The following DENND5B variants were observed in gnomAD, a reference collection of about 807,000 sequenced individuals.
The protein encoded by DENND5B is DENN domain containing 5B.
DENND5B carries 34 observed loss-of-function variants against 140.6 expected under a neutral mutation model. The observed-to-expected ratio is 0.24, with a 90% confidence interval of 0.18 to 0.32. The LOEUF is 0.32. Among genes scored for constraint, DENND5B ranks in the 10% least tolerant of loss-of-function variants. The pLI, the probability that DENND5B is intolerant of heterozygous loss-of-function variation, is 1.00. For missense variants in DENND5B, 1,142 were observed against 1,560.2 expected, an observed-to-expected ratio of 0.73 and a Z score of 4.52; for synonymous variants, 551 against 562.1, an observed-to-expected ratio of 0.98 and a Z score of 0.28.
In DENND5B at chr12:31,384,734, A is replaced by T. The variant is rs1802648157; in HGVS notation, c.*2869T>A. 6.6e-6 allele frequency: 1 copy of T among 151,526 alleles called. No homozygotes were observed. Among genetic ancestry groups the T allele is most frequent in the Non-Finnish European group, 1.5e-5 (1 of 67,936 alleles). 9.4% of individuals were successfully genotyped at this position (151,526 alleles called of 1,614,324 possible). ...ACTTTTTAAAGTAATGGTTTTATTCATAGGCCGCAAATCCAACTTTGGCTG... is the reference window on the plus strand; with the variant it reads ...ACTTTTTAAAGTAATGGTTTTATTCTTAGGCCGCAAATCCAACTTTGGCTG... On this transcript the variant is annotated 3_prime_UTR_variant, in exon 21 of 21. Coordinates refer to ENST00000389082, the MANE Select transcript of DENND5B (RefSeq NM_144973.4).
intron 1 of DENND5B, among the ~76,000 whole-genome samples, chr12:31,514,948 T>G (rs967140168): frequency 1.3e-5 from 2 of 152,188 alleles, no homozygotes; most frequent in Admixed American, 1.3e-4. Flanking sequence ...CAAGACCTTT[T>G]TCTCTACAAA....
intron 12 of DENND5B, 65 bp downstream of exon 12, chr12:31,415,302 G>C (rs984714317): frequency 6.1e-6 from 8 of 1,307,540 alleles, no homozygotes; most frequent in Non-Finnish European, 8.4e-6. Context: ...GAGCAATTTA[G>C]TTAAAAGCCA....
chr12:31,422,282 T>C (rs917561529), intron 11 of DENND5B, among the ~76,000 whole-genome samples: 2 of 135,766 alleles, frequency 1.5e-5, no homozygotes, highest in South Asian at 2.4e-4. Context: ...AAAAAAAAAA[T>C]AGCTGGGCGT....
chr12:31,585,260 T>A (rs1026669569), intron 1 of DENND5B, among the ~76,000 whole-genome samples: 1 of 152,172 alleles, frequency 6.6e-6, no homozygotes, highest in Non-Finnish European at 1.5e-5. Context: ...TGAAGGCTGA[T>A]CCCTGTACTA....
At chr12:31,537,841 A>G (rs763645853) in intron 1 of DENND5B, among the ~76,000 whole-genome samples, 5 of 152,228 alleles carry the variant, frequency 3.3e-5, no homozygotes, top group Admixed American at 6.5e-5. Flanking sequence ...AGCTATACGT[A>G]TATCAGACGA....
intron 11 of DENND5B, among the ~76,000 whole-genome samples, chr12:31,419,247 A>G (rs1942907070): frequency 6.6e-6 from 1 of 152,224 alleles, no homozygotes; most frequent in Non-Finnish European, 1.5e-5. Context: ...AGATTCATGG[A>G]TTTAATTCTT....
intron 3 of DENND5B, among the ~76,000 whole-genome samples, chr12:31,466,731 T>C (rs1945285354): frequency 1.3e-5 from 2 of 151,928 alleles, no homozygotes; most frequent in Admixed American, 1.3e-4. Flanking sequence ...AAAGTTTCAC[T>C]AGAATTTCAG....
At chr12:31,515,681 A>T (rs1035321535) in intron 1 of DENND5B, among the ~76,000 whole-genome samples, 6 of 152,238 alleles carry the variant, frequency 3.9e-5, no homozygotes, top group African/African-American at 1.4e-4. Flanking sequence ...ATATACAATT[A>T]ATCAGTAGAA....
intron 13 of DENND5B, among the ~76,000 whole-genome samples, chr12:31,409,832 C>T (rs1169616408): frequency 2.0e-5 from 3 of 151,508 alleles, no homozygotes; most frequent in African/African-American, 7.3e-5. Flanking sequence ...GATGGGGTCT[C>T]GCTATATTGC....
chr12:31,494,197 C>CT (rs1946666931), intron 2 of DENND5B, among the ~76,000 whole-genome samples: 2 of 84,294 alleles, frequency 2.4e-5, no homozygotes, highest in African/African-American at 4.2e-5. Context: ...TCCATCCATC[C>CT]ATCCACCTAC....
At chr12:31,436,999 A>G (rs1364611848) in intron 7 of DENND5B, among the ~76,000 whole-genome samples, 2 of 152,196 alleles carry the variant, frequency 1.3e-5, no homozygotes, top group Non-Finnish European at 2.9e-5. Context: ...TAAGTTAGCT[A>G]CCCATCCTGT....
At chr12:31,391,730 G>A (rs1941153800) in intron 19 of DENND5B, among the ~76,000 whole-genome samples, 1 of 152,236 alleles carries the variant, frequency 6.6e-6, no homozygotes, top group South Asian at 2.1e-4. Flanking sequence ...ATGGCTGACT[G>A]CAGCCTTCAC....
At chr12:31,420,754 A>C (rs1331747757) in intron 11 of DENND5B, among the ~76,000 whole-genome samples, 1 of 151,998 alleles carries the variant, frequency 6.6e-6, no homozygotes, top group Non-Finnish European at 1.5e-5. Flanking sequence ...CTCCCAACGA[A>C]TTTAAAGGTT....
At chr12:31,561,067 C>A (rs1188707435) in intron 1 of DENND5B, among the ~76,000 whole-genome samples, 1 of 152,044 alleles carries the variant, frequency 6.6e-6, no homozygotes, top group Admixed American at 6.6e-5. Context: ...TTGTCAAGAT[C>A]CCAGTTATGT....
intron 1 of DENND5B, among the ~76,000 whole-genome samples, chr12:31,536,564 T>TA (rs1164153845): frequency 6.6e-6 from 1 of 151,750 alleles, no homozygotes; most frequent in Non-Finnish European, 1.5e-5. Context: ...GAAGTACACC[T>TA]ACAAGATCTA....
intron 11 of DENND5B, among the ~76,000 whole-genome samples, chr12:31,417,808 A>G (rs1942827557): frequency 1.3e-5 from 2 of 152,220 alleles, no homozygotes; most frequent in African/African-American, 4.8e-5. Context: ...ATGAAATTCC[A>G]ACATCATACT....
chr12:31,458,123 T>G (rs1250712236), intron 4 of DENND5B, among the ~76,000 whole-genome samples: 1 of 152,032 alleles, frequency 6.6e-6, no homozygotes, highest in African/African-American at 2.4e-5. Flanking sequence ...AATGAAAAAT[T>G]AGAAAATCAC....
Position 31,467,589 on chromosome 12 carries a change from C to T in DENND5B, c.905-7208G>A, listed in dbSNP as rs562272215. Among the ~76,000 whole-genome samples the T allele has an allele frequency of 1.0e-3, 152 of 152,212 alleles. No homozygotes were observed. In the Middle Eastern group the frequency reaches 0.01, roughly 10 times the overall value. ...AGGAGTTCAGTCGCATCACTGCACTCCAGCCTAGGCAACAGAGTGAGACCT... is the reference window on the plus strand; with the variant it reads ...AGGAGTTCAGTCGCATCACTGCACTTCAGCCTAGGCAACAGAGTGAGACCT... On this transcript the variant is annotated intron_variant, in intron 3 of 20. Coordinates refer to ENST00000389082, the MANE Select transcript of DENND5B (RefSeq NM_144973.4).
At chr12:31,467,228 A>T (rs1023607113) in intron 3 of DENND5B, among the ~76,000 whole-genome samples, 1 of 152,164 alleles carries the variant, frequency 6.6e-6, no homozygotes, top group Non-Finnish European at 1.5e-5. Flanking sequence ...GATCTAATAG[A>T]GAAAGCTATC....
Sources: allele counts gnomAD v4.1 joint callset (sites outside exome capture counted in the v4.1 genomes callset), GRCh38; gene constraint gnomAD v4.1.1; transcripts MANE v1.5; gene names NCBI Gene and HGNC (gene_info 2026-07-23, HGNC 2026-07-21).